The following AUTS2 variants were observed in gnomAD, a reference collection of about 807,000 sequenced individuals.
AUTS2 encodes activator of transcription and developmental regulator AUTS2, also known as autism susceptibility gene 2 protein.
In AUTS2, 17 loss-of-function variants were observed where a neutral mutation model predicts 112.4. That is an observed-to-expected ratio of 0.15 (90% CI 0.10 to 0.23). AUTS2 has a LOEUF of 0.23. Among genes scored for constraint, AUTS2 ranks in the 10% least tolerant of loss-of-function variants. The pLI is 1.00. For missense variants in AUTS2, 1,510 were observed against 1,701.6 expected, an observed-to-expected ratio of 0.89 and a Z score of 1.98; for synonymous variants, 751 against 702.7, an observed-to-expected ratio of 1.07 and a Z score of -1.09.
Position 69,968,662 on chromosome 7 carries a change from G to A in AUTS2, c.522+69164G>A, listed in dbSNP as rs79145829. Among the ~76,000 whole-genome samples, 446 of 152,226 alleles carry A rather than the reference G, an allele frequency of 2.9e-3. 5 individuals carry two copies. Among genetic ancestry groups the A allele is most frequent in the African/African-American group, 0.01 (431 of 41,546 alleles). ...CCTCCTTGATTTGATTGTTGAAAAC[G>A]TTGGCATATTGATTGTAGAGTTAAG... is the stretch of plus-strand genomic sequence containing the variant. On this transcript the variant is annotated intron_variant, in intron 2 of 18. Coordinates refer to ENST00000342771, the MANE Select transcript of AUTS2 (RefSeq NM_015570.4).
intron 4 of AUTS2, among the ~76,000 whole-genome samples, chr7:70,422,348 G>T (rs907712551): frequency 1.3e-5 from 2 of 152,222 alleles, no homozygotes; most frequent in Non-Finnish European, 2.9e-5. Flanking sequence ...TAGTTGGCTT[G>T]AAGTGAATCA....
chr7:70,655,836 T>C (rs1298275466), intron 5 of AUTS2, among the ~76,000 whole-genome samples: 1 of 152,164 alleles, frequency 6.6e-6, no homozygotes, highest in Non-Finnish European at 1.5e-5. Context: ...TAGACAGTGG[T>C]CAGAGCACCT....
chr7:70,339,045 T>C (rs1254442731), intron 4 of AUTS2, among the ~76,000 whole-genome samples: 1 of 151,748 alleles, frequency 6.6e-6, no homozygotes, highest in South Asian at 2.1e-4. Flanking sequence ...TTTGTATTTT[T>C]AGTAGAGACA....
At chr7:70,546,766 G>A (rs542133615) in intron 5 of AUTS2, among the ~76,000 whole-genome samples, 124 of 150,326 alleles carry the variant, frequency 8.2e-4, no homozygotes, top group African/African-American at 2.7e-3. Flanking sequence ...GCGACAGAGC[G>A]AGACTCTGTC....
At chr7:70,458,338 C>G (rs535564815) in intron 5 of AUTS2, among the ~76,000 whole-genome samples, 75 of 152,336 alleles carry the variant, frequency 4.9e-4, no homozygotes, top group Non-Finnish European at 8.7e-4. Context: ...CTATTACATG[C>G]TAAGAGCATT....
intron 4 of AUTS2, among the ~76,000 whole-genome samples, chr7:70,303,439 TACACACACACAC>T (rs371608891): frequency 1.7e-4 from 24 of 143,294 alleles, no homozygotes; most frequent in South Asian, 1.1e-3. Context: ...CGCGCGCACA[TACACACACACAC>T]ACACACACAC....
chr7:70,475,589 A>C (rs1797551071), intron 5 of AUTS2, among the ~76,000 whole-genome samples: 1 of 152,190 alleles, frequency 6.6e-6, no homozygotes, highest in Admixed American at 6.5e-5. Context: ...AGTGGTGCTC[A>C]ATTACAACTT....
At chr7:70,383,574 G>A (rs1307771208) in intron 4 of AUTS2, among the ~76,000 whole-genome samples, 1 of 152,154 alleles carries the variant, frequency 6.6e-6, no homozygotes, top group African/African-American at 2.4e-5. Flanking sequence ...CTGCATCTTT[G>A]AGGCATTCTT....
chr7:70,577,472 T>G (rs971986263), intron 5 of AUTS2, among the ~76,000 whole-genome samples: 1 of 152,260 alleles, frequency 6.6e-6, no homozygotes, highest in Non-Finnish European at 1.5e-5. Flanking sequence ...CTTTAAATCC[T>G]TTATCCTTTT....
intron 4 of AUTS2, among the ~76,000 whole-genome samples, chr7:70,213,212 T>A (rs1429142658): frequency 6.6e-6 from 1 of 151,986 alleles, no homozygotes; most frequent in East Asian, 1.9e-4. Flanking sequence ...ATAACTGGAT[T>A]AATGTGAAAT....
At chr7:69,838,551 C>T (rs1336667963) in intron 1 of AUTS2, among the ~76,000 whole-genome samples, 2 of 152,190 alleles carry the variant, frequency 1.3e-5, no homozygotes, top group African/African-American at 4.8e-5. Flanking sequence ...AAAACCTTTG[C>T]TATCTGTGTA....
Position 69,885,405 on chromosome 7 carries a change from A to G in AUTS2, c.310-13881A>G, listed in dbSNP as rs1317994421. 2.0e-5 allele frequency among the ~76,000 whole-genome samples: 3 copies of G among 152,138 alleles called. No homozygotes were observed. The East Asian group carries it at 5.8e-4, about 29-fold the overall frequency. On this transcript the variant is annotated intron_variant, in intron 1 of 18. Transcript: ENST00000342771. ...GCTTTTATTTTCTGTCTAGATTTTT[A>G]TTGACAATGTGAATTTTTCAGAAGG... is the stretch of plus-strand genomic sequence containing the variant.
intron 5 of AUTS2, among the ~76,000 whole-genome samples, chr7:70,463,466 C>T (rs1410718105): frequency 6.6e-6 from 1 of 152,166 alleles, no homozygotes; most frequent in Admixed American, 6.5e-5. Context: ...CTTTGTCCAG[C>T]TTATATTTAG....
intron 5 of AUTS2, among the ~76,000 whole-genome samples, chr7:70,547,738 T>C (rs1270307268): frequency 6.6e-6 from 1 of 152,258 alleles, no homozygotes; most frequent in Non-Finnish European, 1.5e-5. Context: ...TCTACTTTTT[T>C]GGCTATTATT....
chr7:70,770,576 G>A (rs1790272245), intron 10 of AUTS2, among the ~76,000 whole-genome samples: 1 of 152,188 alleles, frequency 6.6e-6, no homozygotes, highest in Non-Finnish European at 1.5e-5. Context: ...TGTTTGCATT[G>A]TCTTCAGATT....
At chr7:69,689,025 A>T (rs954704376) in intron 1 of AUTS2, among the ~76,000 whole-genome samples, 1 of 152,088 alleles carries the variant, frequency 6.6e-6, no homozygotes, top group African/African-American at 2.4e-5. Context: ...ACTGTCTGGG[A>T]TGTGCAGATT....
chr7:70,540,380 C>G (rs190341570), intron 5 of AUTS2, among the ~76,000 whole-genome samples: 1 of 152,298 alleles, frequency 6.6e-6, no homozygotes, highest in African/African-American at 2.4e-5. Context: ...CCTCTTTGCT[C>G]TCTTACCCAG....
chr7:70,724,992 A>G (rs1786942149), intron 6 of AUTS2, among the ~76,000 whole-genome samples: 1 of 152,248 alleles, frequency 6.6e-6, no homozygotes, highest in South Asian at 2.1e-4. Flanking sequence ...ACGTTAGCAC[A>G]TGCTTGTGCA....
chr7:69,714,249 ATGTGTGTGTGTGTGTGTG>A (rs200192496), intron 1 of AUTS2, among the ~76,000 whole-genome samples: 1 of 92,780 alleles, frequency 1.1e-5, no homozygotes, highest in African/African-American at 3.5e-5. Flanking sequence ...GTGTGTGTAT[ATGTGTGTGTGTGTGTGTG>A]TGTGTGTGTG....
Sources: gnomAD v4.1 joint callset for allele counts (sites outside exome capture counted in the v4.1 genomes callset) on GRCh38, gnomAD v4.1.1 for gene constraint, MANE v1.5 for transcripts, NCBI Gene and HGNC (gene_info 2026-07-23, HGNC 2026-07-21) for gene names.